GALNT13: variants seen among roughly 807,000 people sequenced by gnomAD.
The protein encoded by GALNT13 is polypeptide N-acetylgalactosaminyltransferase 13.
In GALNT13, 28 loss-of-function variants were observed where a neutral mutation model predicts 64.2. The observed-to-expected ratio is 0.44, with a 90% CI of 0.32 to 0.60. The LOEUF is 0.60. Ranked by LOEUF, GALNT13 falls within the 20% of genes least tolerant of loss-of-function variation. GALNT13 has a pLI of 0.05. For synonymous variants in GALNT13, 214 were observed against 224.6 expected, an observed-to-expected ratio of 0.95 and a Z score of 0.42; for missense variants, 577 against 669.8, an observed-to-expected ratio of 0.86 and a Z score of 1.53.
At chr2:153,143,604 A>G in the GALNT13 span, among the ~76,000 whole-genome samples, 2 of 152,064 alleles carry the variant, frequency 1.3e-5, no homozygotes, top group East Asian at 3.9e-4. Context: ...CATCTTGCAA[A>G]GCAAGTAGCA....
chr2:154,366,610 C>T (rs1488723350), intron 9 of GALNT13, among the ~76,000 whole-genome samples: 1 of 152,164 alleles, frequency 6.6e-6, no homozygotes, highest in Non-Finnish European at 1.5e-5. Flanking sequence ...ATGTATTATA[C>T]ATGTCACGAC....
the GALNT13 span, among the ~76,000 whole-genome samples, chr2:153,203,282 A>G: frequency 3.9e-5 from 6 of 152,316 alleles, no homozygotes; most frequent in Non-Finnish European, 5.9e-5. Context: ...GTCTTCTACA[A>G]TTTCTGGGAA....
Position 154,404,730 on chromosome 2 carries a change from G to A in GALNT13, c.1297-4254G>A, listed in dbSNP as rs77790950. The stretch of plus-strand genomic sequence containing the variant: ...GAAGCTCCTTCTCAGAAGACACTTT[G>A]GGGAATAAAGCCCAACTAGAGTGGG... On this transcript the variant is annotated intron_variant, in intron 10 of 12. Transcript: ENST00000392825. Among the ~76,000 whole-genome samples, 1,168 of 152,196 alleles carry A rather than the reference G, an allele frequency of 7.7e-3. 12 individuals carry two copies. The highest frequency in any genetic ancestry group is 0.043 in the South Asian group (205 of 4,822).
chr2:154,151,062 C>T (rs1327741164), intron 4 of GALNT13, among the ~76,000 whole-genome samples: 2 of 152,132 alleles, frequency 1.3e-5, no homozygotes, highest in African/African-American at 4.8e-5. Flanking sequence ...CTCTTATGGG[C>T]ATTTAGTGCT....
At chr2:153,308,925 A>G in the GALNT13 span, among the ~76,000 whole-genome samples, 14 of 152,216 alleles carry the variant, frequency 9.2e-5, no homozygotes, top group South Asian at 2.7e-3. Context: ...AAGAGAAAAA[A>G]AATTTTTTTT....
In GALNT13 at chr2:154,127,412, T is replaced by C. The variant is rs866207300; in HGVS notation, c.143-12925T>C. On this transcript the variant is annotated intron_variant, in intron 3 of 12. Coordinates refer to ENST00000392825, the MANE Select transcript of GALNT13 (RefSeq NM_052917.4). ...ATTCCTCAGAAGGTTCATAGTTATC[T>C]TGAAAGTCAAACATTATTGCAGAAT... 3.3e-5 allele frequency among the ~76,000 whole-genome samples: 5 copies of C among 152,238 alleles called. 1 individual carries two copies. The South Asian group carries it at 6.2e-4, about 19-fold the overall frequency.
intron 11 of GALNT13, among the ~76,000 whole-genome samples, chr2:154,412,258 A>G (rs1005617718): frequency 3.3e-5 from 5 of 151,922 alleles, no homozygotes; most frequent in South Asian, 2.1e-4. Flanking sequence ...ATGGAATTCA[A>G]TATTTCTAAG....
the GALNT13 span, among the ~76,000 whole-genome samples, chr2:153,782,014 C>T: frequency 6.6e-6 from 1 of 152,152 alleles, no homozygotes; most frequent in Non-Finnish European, 1.5e-5. Context: ...CTATAGTCAA[C>T]AACTCAAGAG....
At chr2:153,462,219 T>C in the GALNT13 span, among the ~76,000 whole-genome samples, 1 of 152,108 alleles carries the variant, frequency 6.6e-6, no homozygotes, top group Non-Finnish European at 1.5e-5. Flanking sequence ...TCCGTACATA[T>C]AAATAGTAGG....
In GALNT13 at chr2:154,416,330, T is replaced by A. The variant is rs536709459; in HGVS notation, c.1395+7248T>A. Among the ~76,000 whole-genome samples the A allele has an allele frequency of 2.0e-5, 3 of 152,244 alleles. No homozygotes were observed. In the South Asian group the frequency reaches 6.2e-4, roughly 32 times the overall value. On this transcript the variant is annotated intron_variant, in intron 11 of 12. Coordinates refer to ENST00000392825, the MANE Select transcript of GALNT13 (RefSeq NM_052917.4). ...AAGTTCATTGAGCCTTCTTCTTGCA[T>A]GCTCACATGGTGAAAGAGAAGAGCT...
the GALNT13 span, among the ~76,000 whole-genome samples, chr2:153,316,787 T>G: frequency 6.6e-6 from 1 of 152,112 alleles, no homozygotes; most frequent in Non-Finnish European, 1.5e-5. Flanking sequence ...GAAGAACAAA[T>G]TAATAATACA....
the GALNT13 span, among the ~76,000 whole-genome samples, chr2:153,854,169 T>C: frequency 2.0e-5 from 3 of 151,944 alleles, no homozygotes; most frequent in Non-Finnish European, 4.4e-5. Context: ...TACAAACTAT[T>C]AGAGATACGT....
chr2:153,755,351 C>A, the GALNT13 span, among the ~76,000 whole-genome samples: 1 of 152,038 alleles, frequency 6.6e-6, no homozygotes, highest in Non-Finnish European at 1.5e-5. Context: ...AATGGCTGTA[C>A]TAATTTGTAT....
chr2:153,759,951 A>G, the GALNT13 span, among the ~76,000 whole-genome samples: 1 of 152,084 alleles, frequency 6.6e-6, no homozygotes, highest in Non-Finnish European at 1.5e-5. Flanking sequence ...GGGAGACTTT[A>G]TTACTGATTC....
At chr2:154,033,381 C>T (rs1698462143) in intron 3 of GALNT13, among the ~76,000 whole-genome samples, 1 of 151,690 alleles carries the variant, frequency 6.6e-6, no homozygotes, top group Non-Finnish European at 1.5e-5. Flanking sequence ...GGAAGCAAAC[C>T]ACAGACTGGG....
the GALNT13 span, among the ~76,000 whole-genome samples, chr2:153,073,384 G>A: frequency 6.6e-6 from 1 of 151,606 alleles, no homozygotes; most frequent in Non-Finnish European, 1.5e-5. Context: ...AAACCAGCTG[G>A]GAGTTAATGG....
the GALNT13 span, among the ~76,000 whole-genome samples, chr2:153,594,664 G>C: frequency 6.6e-6 from 1 of 151,988 alleles, no homozygotes; most frequent in Non-Finnish European, 1.5e-5. Context: ...TCAAGTATAT[G>C]ATGAAGGTAA....
intron 4 of GALNT13, among the ~76,000 whole-genome samples, chr2:154,189,408 CTAGTGGCCTTATGAG>C (rs930095522): frequency 2.1e-5 from 3 of 145,106 alleles, no homozygotes; most frequent in Non-Finnish European, 4.5e-5. Context: ...TCTGATGGGG[CTAGTGGCCTTATGAG>C]AAGAGGCACC....
At chr2:153,628,685 A>T in the GALNT13 span, among the ~76,000 whole-genome samples, 2 of 152,170 alleles carry the variant, frequency 1.3e-5, no homozygotes, top group African/African-American at 4.8e-5. Context: ...CTTGCATCCC[A>T]GGGATGAAGC....
Sources: gnomAD v4.1 joint callset for allele counts (sites outside exome capture counted in the v4.1 genomes callset) on GRCh38, gnomAD v4.1.1 for gene constraint, MANE v1.5 for transcripts, NCBI Gene and HGNC (gene_info 2026-07-23, HGNC 2026-07-21) for gene names.